The following RASGRP1 variants were observed in gnomAD, a reference collection of about 807,000 sequenced individuals.
The protein encoded by RASGRP1 is RAS guanyl-releasing protein 1.
Under a neutral mutation model 95.1 loss-of-function variants are expected in RASGRP1, and 37 were observed. That is an observed-to-expected ratio of 0.39 (90% CI 0.30 to 0.51). The LOEUF is 0.51. Ranked by LOEUF, RASGRP1 falls within the 20% of genes least tolerant of loss-of-function variation. The pLI is 0.80. For synonymous variants in RASGRP1, 325 were observed against 353.4 expected (o/e 0.92, Z 0.90); for missense variants, 711 against 965.4 (o/e 0.74, Z 3.49).
chr15:38,520,921 G>A (rs1595853803), intron 3 of RASGRP1, among the ~76,000 whole-genome samples: 1 of 152,200 alleles, frequency 6.6e-6, no homozygotes, highest in Non-Finnish European at 1.5e-5. Context: ...TTAATAAAAT[G>A]ACTTCTAGTT....
chr15:38,537,864 C>G (rs1255463733), intron 2 of RASGRP1, among the ~76,000 whole-genome samples: 3 of 152,168 alleles, frequency 2.0e-5, no homozygotes, highest in African/African-American at 7.2e-5. Flanking sequence ...GCAGGAGGAC[C>G]TGGAGAGCCA....
intron 13 of RASGRP1, among the ~76,000 whole-genome samples, 187 bp from the exon 14 acceptor site, chr15:38,500,326 T>C (rs972678886): frequency 1.3e-5 from 2 of 151,612 alleles, no homozygotes; most frequent in African/African-American, 4.9e-5. Context: ...GATCAAAGTT[T>C]CTCAAGAAGC....
chr15:38,528,482 C>G (rs1344162672), intron 2 of RASGRP1, among the ~76,000 whole-genome samples: 2 of 152,126 alleles, frequency 1.3e-5, no homozygotes, highest in African/African-American at 4.8e-5. Context: ...CTTTATGACT[C>G]AGTAGCATTC....
Position 38,519,325 on chromosome 15 carries a change from T to A in RASGRP1, c.373A>T (p.Ile125Phe). 6.5e-7 allele frequency: 1 copy of A among 1,528,840 alleles called. No individual in the cohort carries two copies. Among genetic ancestry groups the A allele is most frequent in the South Asian group, 1.1e-5 (1 of 89,178 alleles). The allele number at this position is 1,528,840 out of a possible 1,614,324, so 94.7% of individuals were successfully genotyped here. A position where few individuals can be genotyped will look rare whatever the true frequency, so the allele number is the denominator to read the frequency against. ...AKNSPGLCLK[I>F]CYFVRYWITE... ...AAACATTACCTTACAAAATAACAGA[T>A]CTTCAGGCAAAGTCCTGGTGAATTC... Residue 125 changes from isoleucine to phenylalanine, a missense_variant, in exon 4 of 17, where the codon ATC becomes TTC. Physicochemically the swap from Ile to Phe is conservative, Grantham distance 21. This residue lies in a region of RASGRP1 where 491 missense variants were observed against 676.6 expected (regional missense o/e 0.73). Transcript: ENST00000310803.
chr15:38,516,339 T>C lies in RASGRP1; in HGVS notation c.533A>G (p.Asp178Gly). 1.2e-6 allele frequency: 2 copies of C among 1,610,922 alleles called. No homozygotes were observed. The highest frequency in any genetic ancestry group is 1.7e-6 in the Non-Finnish European group (2 of 1,177,174). The change falls in exon 6 of 17, where the codon GAC (aspartate) becomes GGC (glycine). Residue 178 changes from aspartate to glycine, a missense_variant. This residue lies in a region of RASGRP1 where 491 missense variants were observed against 676.6 expected (regional missense o/e 0.73). Coordinates refer to ENST00000310803, the MANE Select transcript of RASGRP1 (RefSeq NM_005739.4). ...LIDTTQINAR[D>G]WSRKLTQRIK... ...CCTTTGAGTAAGTTTCCTGGACCAG[T>C]CACGGGCATTGCTTTTGTGGGTAAA...
intron 8 of RASGRP1, among the ~76,000 whole-genome samples, chr15:38,510,007 T>TG (rs1373098772): frequency 2.0e-5 from 3 of 152,122 alleles, no homozygotes; most frequent in Non-Finnish European, 4.4e-5. Context: ...CTACCAATGG[T>TG]GCAGGTGAGC....
intron 9 of RASGRP1, among the ~76,000 whole-genome samples, chr15:38,506,635 CAA>C (rs370153317): frequency 0.032 from 2,303 of 71,564 alleles, 25 homozygotes; most frequent in African/African-American, 0.078. Flanking sequence ...ACCTTGTCTC[CAA>C]AAAAAAAAAA....
intron 16 of RASGRP1, among the ~76,000 whole-genome samples, chr15:38,493,640 C>T (rs902370883): frequency 2.0e-5 from 3 of 152,176 alleles, no homozygotes; most frequent in Non-Finnish European, 2.9e-5. Flanking sequence ...AGCAGCTCCT[C>T]TTGTCATGAT....
chr15:38,564,698 A>ACCG lies in RASGRP1; in HGVS notation c.-73_-71dup, dbSNP rs1267212912. 5 of 1,166,318 alleles carry ACCG rather than the reference A, an allele frequency of 4.3e-6. No individual in the cohort carries two copies. Among genetic ancestry groups the ACCG allele is most frequent in the Admixed American group, 4.6e-5 (1 of 21,788 alleles). 72.2% of individuals were successfully genotyped at this position (1,166,318 alleles called of 1,614,324 possible). A position where few individuals can be genotyped will look rare whatever the true frequency, so the allele number is the denominator to read the frequency against. ...GGCGCGGCGCATCGCCCCCGCCACC[A>ACCG]CCGCCGCCGCCTGCCGGCTCTCTCC... On this transcript the variant is annotated 5_prime_UTR_variant, in exon 1 of 17. Coordinates refer to ENST00000310803, the MANE Select transcript of RASGRP1 (RefSeq NM_005739.4).
chr15:38,493,220 T>C (rs1036652682), intron 16 of RASGRP1, among the ~76,000 whole-genome samples: 23 of 126,816 alleles, frequency 1.8e-4, no homozygotes, highest in Non-Finnish European at 3.2e-5. Flanking sequence ...GTCTGTTGCC[T>C]AGGCTAGAGT....
At position 38,494,690 on chromosome 15, in the gene RASGRP1, T is replaced by C; in HGVS notation, c.1951A>G (p.Met651Val). The C allele has an allele frequency of 1.3e-6, 2 of 1,531,380 alleles. No individual in the cohort carries two copies. The highest frequency in any genetic ancestry group is 1.7e-6 in the Non-Finnish European group (2 of 1,144,388). The allele number at this position is 1,531,380 out of a possible 1,614,324, so 94.9% of individuals were successfully genotyped here. A position where few individuals can be genotyped will look rare whatever the true frequency, so the allele number is the denominator to read the frequency against. ...TTCTGTGAGGACACTCCCATCAGCATGATGGTCCGATCCTTACTCTCCTCA... is the reference window on the plus strand; with the variant it reads ...TTCTGTGAGGACACTCCCATCAGCACGATGGTCCGATCCTTACTCTCCTCA... ...HGEESKDRTI[M>V]LMGVSSQKIS... The change falls in exon 16 of 17, where the codon ATG (methionine) becomes GTG (valine). Residue 651 changes from methionine (M) to valine (V), a missense_variant. By Grantham distance (21) the Met-to-Val change is conservative. This residue lies in a region of RASGRP1 where 212 missense variants were observed against 247.8 expected (regional missense o/e 0.86). Transcript: ENST00000310803.
At position 38,502,434 on chromosome 15, in the gene RASGRP1, A is replaced by T. The variant is rs767432843; in HGVS notation, c.1429-13T>A. ...TCTTGAAGACAGACTGTGAAAAAGG[A>T]GTTTTTTTGGTGATTACTAAAGAGA... On this transcript the variant is annotated splice_polypyrimidine_tract_variant and intron_variant, in intron 11 of 16. Transcript: ENST00000310803. 6.6e-7 allele frequency: 1 copy of T among 1,525,954 alleles called. No individual in the cohort carries two copies. 94.5% of individuals were successfully genotyped at this position (1,525,954 alleles called of 1,614,324 possible).
At chr15:38,550,669 T>C (rs953579503) in intron 2 of RASGRP1, among the ~76,000 whole-genome samples, 3 of 152,150 alleles carry the variant, frequency 2.0e-5, no homozygotes, top group Non-Finnish European at 2.9e-5. Flanking sequence ...GATTTCAAGA[T>C]CAAAATTGTT....
rs764328797 is a variant in RASGRP1 at position 38,518,338 on chromosome 15, C to T, written c.475G>A (p.Ala159Thr). 173 of 1,610,104 alleles carry T rather than the reference C, an allele frequency of 1.1e-4. No homozygotes were observed. Among genetic ancestry groups the T allele is most frequent in the Non-Finnish European group, 1.4e-4 (160 of 1,178,318 alleles). The change falls in exon 5 of 17, where the codon GCT becomes ACT. Residue 159 changes from alanine (A) to threonine (T), a missense_variant. Physicochemically the swap from Ala to Thr is moderately conservative, Grantham distance 58. Coordinates refer to ENST00000310803, the MANE Select transcript of RASGRP1 (RefSeq NM_005739.4). ...TMEEFQELVKAKGEELHCRLI... is the reference protein window; with the variant it reads ...TMEEFQELVKTKGEELHCRLI... The stretch of plus-strand genomic sequence containing the variant: ...CGGCAATGTAACTCCTCACCCTTAG[C>T]TTTCACCAGTTCCTGAAACTCCTCC...
intron 3 of RASGRP1, among the ~76,000 whole-genome samples, chr15:38,522,707 G>C (rs1323845450): frequency 1.3e-5 from 2 of 152,140 alleles, no homozygotes; most frequent in East Asian, 3.8e-4. Context: ...ATGATAAAAG[G>C]CCCCATTACA....
intron 16 of RASGRP1, 62 bp from the exon 17 acceptor site, chr15:38,490,750 A>G: frequency 6.7e-7 from 1 of 1,483,880 alleles, no homozygotes; most frequent in Non-Finnish European, 9.1e-7. Flanking sequence ...ATGAATTACA[A>G]ATTGAGAGCT....
chr15:38,506,008 A>G, intron 9 of RASGRP1, 88 bp from the exon 10 acceptor site: 1 of 1,061,118 alleles, frequency 9.4e-7, no homozygotes, highest in Non-Finnish European at 1.4e-6. Flanking sequence ...TTTCCTTGCC[A>G]GTAGTTTACT....
chr15:38,547,871 G>A (rs1893164113), intron 2 of RASGRP1, among the ~76,000 whole-genome samples: 2 of 152,006 alleles, frequency 1.3e-5, no homozygotes, highest in Non-Finnish European at 2.9e-5. Flanking sequence ...GCGCGCGTGT[G>A]TGTGTGTGTG....
At chr15:38,535,147 T>A (rs8023574) in intron 2 of RASGRP1, among the ~76,000 whole-genome samples, 2,094 of 152,240 alleles carry the variant, frequency 0.014, 46 homozygotes, top group African/African-American at 0.048. Flanking sequence ...AATTTAAAAA[T>A]GAGAAAACTG....
Sources: allele counts gnomAD v4.1 joint callset (sites outside exome capture counted in the v4.1 genomes callset), GRCh38; gene constraint gnomAD v4.1.1; regional missense constraint gnomAD v4.1.1; transcripts MANE v1.5; gene names NCBI Gene and HGNC (gene_info 2026-07-23, HGNC 2026-07-21).